RIT2: variants seen among roughly 807,000 people sequenced by gnomAD.
The protein encoded by RIT2 is GTP-binding protein Rit2.
A neutral mutation model predicts 23.7 loss-of-function variants in RIT2; 24 were observed. That is an observed-to-expected ratio of 1.01 (90% CI 0.73 to 1.43). The LOEUF (loss-of-function observed/expected upper bound fraction) is 1.43. Among genes scored for constraint, RIT2 ranks in the 40% most tolerant of loss-of-function variants. The pLI is 0.00. For synonymous variants in RIT2, 107 were observed against 91.1 expected, an observed-to-expected ratio of 1.17 and a Z score of -0.99; for missense variants, 236 against 266.9, an observed-to-expected ratio of 0.88 and a Z score of 0.81.
intron 1 of RIT2, among the ~76,000 whole-genome samples, chr18:43,086,463 CT>C (rs1277005682): frequency 6.6e-6 from 1 of 152,094 alleles, no homozygotes; most frequent in Non-Finnish European, 1.5e-5. Context: ...AGAAACAGTG[CT>C]TTTAGAGGGA....
intron 2 of RIT2, among the ~76,000 whole-genome samples, chr18:43,029,144 C>T (rs1911798188): frequency 6.6e-6 from 1 of 151,828 alleles, no homozygotes; most frequent in East Asian, 1.9e-4. Flanking sequence ...GCATTTTATT[C>T]TTTTTTTGTA....
At chr18:42,838,267 A>G (rs974966175) in intron 4 of RIT2, among the ~76,000 whole-genome samples, 14 of 152,134 alleles carry the variant, frequency 9.2e-5, no homozygotes, top group African/African-American at 3.4e-4. Context: ...AAGAAAGAGT[A>G]AGGTTTCAAG....
Position 42,916,364 on chromosome 18 carries a change from C to T in RIT2, c.426+7208G>A, listed in dbSNP as rs74905889. ...CTGTTGTCTATCTCCAGATTACTCACCTTTACTTAGCTCATAAACTGTGCA... is the reference window on the plus strand; with the variant it reads ...CTGTTGTCTATCTCCAGATTACTCATCTTTACTTAGCTCATAAACTGTGCA... On this transcript the variant is annotated intron_variant, in intron 4 of 4. Coordinates refer to ENST00000326695, the MANE Select transcript of RIT2 (RefSeq NM_002930.4). 6.0e-3 allele frequency among the ~76,000 whole-genome samples: 910 copies of T among 152,168 alleles called. 9 individuals are homozygous for T. The highest frequency in any genetic ancestry group is 0.021 in the African/African-American group (874 of 41,544).
At chr18:43,038,714 C>G (rs960000317) in intron 1 of RIT2, among the ~76,000 whole-genome samples, 3 of 152,106 alleles carry the variant, frequency 2.0e-5, no homozygotes, top group African/African-American at 7.2e-5. Context: ...TAGTACATGT[C>G]AATGCTTTGT....
chr18:42,936,180 C>G (rs1258879994), intron 3 of RIT2, among the ~76,000 whole-genome samples: 1 of 151,974 alleles, frequency 6.6e-6, no homozygotes, highest in Non-Finnish European at 1.5e-5. Context: ...GAAATTAGCT[C>G]CAGTTGGCCT....
intron 1 of RIT2, among the ~76,000 whole-genome samples, chr18:43,049,972 C>CTTTT (rs755291383): frequency 1.2e-4 from 8 of 66,010 alleles, no homozygotes; most frequent in African/African-American, 5.2e-4. Context: ...AAGGGATTTC[C>CTTTT]TTTTTTTTTT....
chr18:42,781,695 G>A (rs1913815378), intron 4 of RIT2, among the ~76,000 whole-genome samples: 1 of 152,150 alleles, frequency 6.6e-6, no homozygotes, highest in South Asian at 2.1e-4. Context: ...GCTATTTGGG[G>A]ATTTTTGTTC....
At chr18:42,987,862 G>C (rs1465217576) in intron 2 of RIT2, among the ~76,000 whole-genome samples, 1 of 152,014 alleles carries the variant, frequency 6.6e-6, no homozygotes, top group Non-Finnish European at 1.5e-5. Flanking sequence ...GGAAGAGAGA[G>C]GGAAAAAGAG....
At chr18:42,793,092 T>A (rs1914079301) in intron 4 of RIT2, among the ~76,000 whole-genome samples, 1 of 152,180 alleles carries the variant, frequency 6.6e-6, no homozygotes, top group Admixed American at 6.5e-5. Context: ...AATAATAATG[T>A]ATTTATTAGT....
intron 1 of RIT2, among the ~76,000 whole-genome samples, chr18:43,088,707 T>C (rs1248422268): frequency 2.6e-5 from 4 of 152,130 alleles, no homozygotes; most frequent in Non-Finnish European, 5.9e-5. Context: ...TTTATCATCA[T>C]TTTCATGGCC....
chr18:43,047,258 C>T (rs936241720), intron 1 of RIT2, among the ~76,000 whole-genome samples: 5 of 151,834 alleles, frequency 3.3e-5, no homozygotes, highest in Admixed American at 2.0e-4. Flanking sequence ...CTCATTTTGT[C>T]CCTCTTGCCA....
At chr18:42,812,095 C>A (rs1373763278) in intron 4 of RIT2, among the ~76,000 whole-genome samples, 1 of 152,084 alleles carries the variant, frequency 6.6e-6, no homozygotes, top group East Asian at 1.9e-4. Context: ...TGCATTGGTA[C>A]AGAAATTATT....
intron 3 of RIT2, among the ~76,000 whole-genome samples, chr18:42,934,356 T>C (rs966448545): frequency 1.3e-5 from 2 of 152,140 alleles, no homozygotes; most frequent in Non-Finnish European, 2.9e-5. Context: ...GATCCAGTTA[T>C]TTAAAATACA....
chr18:42,777,725 GCTA>G (rs1038199691), intron 4 of RIT2, among the ~76,000 whole-genome samples: 2 of 152,080 alleles, frequency 1.3e-5, no homozygotes, highest in African/African-American at 4.8e-5. Flanking sequence ...TTCTTTGGAA[GCTA>G]CTGTTACCAA....
intron 4 of RIT2, among the ~76,000 whole-genome samples, chr18:42,858,183 AAAAC>A (rs1043219717): frequency 2.6e-5 from 4 of 152,206 alleles, no homozygotes; most frequent in African/African-American, 7.2e-5. Context: ...TCTGTCTCAA[AAAAC>A]AAACAAACAT....
chr18:42,888,337 TTTGG>T (rs1001095849), intron 4 of RIT2, among the ~76,000 whole-genome samples: 2 of 151,820 alleles, frequency 1.3e-5, no homozygotes, highest in East Asian at 1.9e-4. Flanking sequence ...TGTTTGTTTG[TTTGG>T]TTGGTTGGTT....
intron 1 of RIT2, among the ~76,000 whole-genome samples, chr18:43,046,690 G>A (rs1439409871): frequency 6.6e-6 from 1 of 152,106 alleles, no homozygotes; most frequent in Non-Finnish European, 1.5e-5. Flanking sequence ...GGTCTGAGAG[G>A]CCCTTTCATA....
intron 4 of RIT2, among the ~76,000 whole-genome samples, chr18:42,797,689 A>G (rs774456604): frequency 4.6e-5 from 7 of 152,144 alleles, no homozygotes; most frequent in African/African-American, 4.8e-5. Flanking sequence ...AGTTTTCAAA[A>G]TATGTTTTCC....
intron 3 of RIT2, among the ~76,000 whole-genome samples, chr18:42,947,710 A>G (rs1909758699): frequency 6.6e-6 from 1 of 152,154 alleles, no homozygotes; most frequent in African/African-American, 2.4e-5. Context: ...GGAATTAGAA[A>G]TGTGGGTCAG....
Sources: gnomAD v4.1 joint callset for allele counts (sites outside exome capture counted in the v4.1 genomes callset) on GRCh38, gnomAD v4.1.1 for gene constraint, MANE v1.5 for transcripts, NCBI Gene and HGNC (gene_info 2026-07-23, HGNC 2026-07-21) for gene names.